The following DOCK4 variants were observed in gnomAD, a reference collection of about 807,000 sequenced individuals.
DOCK4 encodes the protein dedicator of cytokinesis protein 4.
A neutral mutation model predicts 268.1 loss-of-function variants in DOCK4; 97 were observed. The ratio of observed to expected loss-of-function variants is 0.36; its 90% CI spans 0.31 to 0.43. The LOEUF (loss-of-function observed/expected upper bound fraction) is 0.43. Among genes scored for constraint, DOCK4 ranks in the 20% least tolerant of loss-of-function variants. The pLI, the probability that DOCK4 is intolerant of heterozygous loss-of-function variation, is 1.00. For synonymous variants in DOCK4, 954 were observed against 887.2 expected (o/e 1.08, Z -1.34); for missense variants, 2,145 against 2,455.7 (o/e 0.87, Z 2.67).
chr7:111,845,349 C>T (rs561417515), intron 24 of DOCK4, among the ~76,000 whole-genome samples: 2 of 152,242 alleles, frequency 1.3e-5, no homozygotes, highest in South Asian at 4.1e-4. Context: ...AATGACTATT[C>T]CTATAAAAAA....
chr7:112,140,158 G>A (rs1000899299), intron 1 of DOCK4, among the ~76,000 whole-genome samples: 4 of 151,928 alleles, frequency 2.6e-5, no homozygotes, highest in East Asian at 1.9e-4. Context: ...AAAACACAGC[G>A]GGAATTACCC....
intron 52 of DOCK4, among the ~76,000 whole-genome samples, chr7:111,729,913 T>C (rs1367148752): frequency 6.6e-6 from 1 of 152,228 alleles, no homozygotes; most frequent in Non-Finnish European, 1.5e-5. Flanking sequence ...AAAAACCTAA[T>C]TTAGTTAATT....
chr7:111,742,295 G>A (rs923986663), intron 44 of DOCK4, among the ~76,000 whole-genome samples, 163 bp from the exon 45 acceptor site: 8 of 152,216 alleles, frequency 5.3e-5, no homozygotes, highest in Admixed American at 3.3e-4. Flanking sequence ...AAGAAAAACT[G>A]AGGATCTGAA....
chr7:111,838,718 G>A (rs1366207057), intron 25 of DOCK4, among the ~76,000 whole-genome samples: 17 of 152,076 alleles, frequency 1.1e-4, no homozygotes, highest in Non-Finnish European at 1.5e-5. Context: ...TAGCATGGAG[G>A]GGCAAAAGAG....
intron 1 of DOCK4, among the ~76,000 whole-genome samples, chr7:112,146,714 C>T (rs1815537959): frequency 6.6e-6 from 1 of 152,128 alleles, no homozygotes. Context: ...GCCTGGGCAA[C>T]AGTGTAAGAC....
At position 111,726,482 on chromosome 7, in the gene DOCK4, G is replaced by T. The variant is rs1178246325; in HGVS notation, c.*1792C>A. The T allele has an allele frequency of 3.9e-5, 6 of 152,242 alleles. No homozygotes were observed. The highest frequency in any genetic ancestry group is 7.4e-5 in the Non-Finnish European group (5 of 68,024). The allele number at this position is 152,242 out of a possible 1,614,324, so 9.4% of individuals were successfully genotyped here. A position where few individuals can be genotyped will look rare whatever the true frequency, so the allele number is the denominator to read the frequency against. On this transcript the variant is annotated 3_prime_UTR_variant, in exon 53 of 53. Coordinates refer to ENST00000428084, the MANE Select transcript of DOCK4 (RefSeq NM_001363540.2). The stretch of plus-strand genomic sequence containing the variant: ...ATATATGTATATATATATGAATGTG[G>T]TTACAAACACGAAGTGTTATCAAAA...
intron 13 of DOCK4, among the ~76,000 whole-genome samples, chr7:111,905,863 A>C (rs1272292835): frequency 6.6e-6 from 1 of 152,160 alleles, no homozygotes; most frequent in Non-Finnish European, 1.5e-5. Context: ...GTTGTTAATG[A>C]TGATGGCAGT....
chr7:111,976,871 G>T, intron 8 of DOCK4: 1 of 295,718 alleles, frequency 3.4e-6, no homozygotes, highest in Non-Finnish European at 6.2e-6. Context: ...TAACAGATTT[G>T]ATATCCATGC....
chr7:111,916,494 TGAG>T (rs1264966110), intron 12 of DOCK4, among the ~76,000 whole-genome samples: 3 of 152,080 alleles, frequency 2.0e-5, no homozygotes, highest in Non-Finnish European at 4.4e-5. Flanking sequence ...GATTTTCTAG[TGAG>T]GAGAATTTAG....
intron 8 of DOCK4, among the ~76,000 whole-genome samples, chr7:111,947,757 T>G (rs1795735953): frequency 6.6e-6 from 1 of 152,176 alleles, no homozygotes; most frequent in Non-Finnish European, 1.5e-5. Flanking sequence ...GAGGTCTCAC[T>G]CTTTCACCCA....
At chr7:111,760,500 C>A (rs945392136) in intron 39 of DOCK4, among the ~76,000 whole-genome samples, 178 bp from the exon 40 acceptor site, 4 of 152,138 alleles carry the variant, frequency 2.6e-5, no homozygotes, top group Non-Finnish European at 5.9e-5. Flanking sequence ...AGATAAAGAT[C>A]ATGAGTTCAC....
chr7:111,820,168 G>C (rs1238188872), intron 27 of DOCK4: 1 of 152,218 alleles, frequency 6.6e-6, no homozygotes, highest in African/African-American at 2.4e-5. Context: ...GGAGGAGAAT[G>C]GTTAGAGACT....
At chr7:111,817,390 A>G (rs1383587909) in intron 27 of DOCK4, among the ~76,000 whole-genome samples, 1 of 151,630 alleles carries the variant, frequency 6.6e-6, no homozygotes, top group Non-Finnish European at 1.5e-5. Flanking sequence ...TTTCAGGGTC[A>G]GTGGCGCATA....
At chr7:111,953,917 T>C (rs1291159346) in intron 8 of DOCK4, among the ~76,000 whole-genome samples, 1 of 152,220 alleles carries the variant, frequency 6.6e-6, no homozygotes, top group African/African-American at 2.4e-5. Flanking sequence ...AGAAGTTGCC[T>C]CCCTAGAGAC....
chr7:111,728,741 C>T (rs371887983), intron 52 of DOCK4, 21 bp from the exon 53 acceptor site: 1 of 1,583,856 alleles, frequency 6.3e-7, no homozygotes, highest in Non-Finnish European at 8.6e-7. Flanking sequence ...GAGAAGGAAA[C>T]GAGAGGGAGA....
Position 111,945,755 on chromosome 7 carries a change from C to T in DOCK4, c.745G>A (p.Ala249Thr). The part of the protein sequence containing the change: ...LRLNRNGLPK[A>T]PDKPERHCSL... ...CAATGTCGTTCCGGTTTATCAGGGG[C>T]TTTGGGAAGCCCGTTTCTATTCAGC... The change falls in exon 9 of 53, where the codon GCC becomes ACC. Residue 249 changes from alanine to threonine, a missense_variant. Around this residue, in one of 2 missense-constraint regions of DOCK4, gnomAD observed 1,598 missense variants for 1,986.7 expected, o/e 0.80. Transcript: ENST00000428084. 3 of 1,598,944 alleles carry T rather than the reference C, an allele frequency of 1.9e-6. No homozygotes were observed. Among genetic ancestry groups the T allele is most frequent in the Non-Finnish European group, 1.7e-6 (2 of 1,172,402 alleles).
In DOCK4 at chr7:111,817,385, G is replaced by T. The variant is rs190319006; in HGVS notation, c.2930+4977C>A. 1.2e-3 allele frequency among the ~76,000 whole-genome samples: 185 copies of T among 151,820 alleles called. 1 individual carries two copies. Among genetic ancestry groups the T allele is most frequent in the African/African-American group, 4.2e-3 (176 of 41,484 alleles). On this transcript the variant is annotated intron_variant, in intron 27 of 52. Coordinates refer to ENST00000428084, the MANE Select transcript of DOCK4 (RefSeq NM_001363540.2). ...AGCTACTCTACCACTCAAGTTTTCA[G>T]GGTCAGTGGCGCATATTCCACCTTC...
At chr7:111,767,549 T>C in intron 37 of DOCK4, among the ~76,000 whole-genome samples, 1 of 152,072 alleles carries the variant, frequency 6.6e-6, no homozygotes. Context: ...ATAAAACACC[T>C]TGAGACTTCA....
intron 12 of DOCK4, among the ~76,000 whole-genome samples, chr7:111,926,926 C>T (rs780423261): frequency 2.6e-5 from 4 of 151,250 alleles, no homozygotes; most frequent in African/African-American, 7.3e-5. Context: ...AGAAAAAGAA[C>T]GGAGGAAGGA....
Sources: allele counts gnomAD v4.1 joint callset (sites outside exome capture counted in the v4.1 genomes callset), GRCh38; gene constraint gnomAD v4.1.1; regional missense constraint gnomAD v4.1.1; transcripts MANE v1.5; gene names NCBI Gene and HGNC (gene_info 2026-07-23, HGNC 2026-07-21).